HSD17B4: variants seen among roughly 807,000 people sequenced by gnomAD.
HSD17B4 encodes peroxisomal multifunctional enzyme type 2.
A neutral mutation model predicts 101.0 loss-of-function variants in HSD17B4; 70 were observed. The ratio of observed to expected loss-of-function variants is 0.69; its 90% CI spans 0.57 to 0.85. The LOEUF is 0.85. Ranked by LOEUF, HSD17B4 falls within the 40% of genes least tolerant of loss-of-function variation. HSD17B4 has a pLI of 0.00. For synonymous variants in HSD17B4, 347 were observed against 297.1 expected, an observed-to-expected ratio of 1.17 and a Z score of -1.73; for missense variants, 984 against 892.4, an observed-to-expected ratio of 1.10 and a Z score of -1.31.
intron 2 of HSD17B4, among the ~76,000 whole-genome samples, chr5:119,471,166 A>AT (rs576140615): frequency 6.6e-6 from 1 of 152,250 alleles, no homozygotes; most frequent in East Asian, 1.9e-4. Flanking sequence ...TAAAATCTTG[A>AT]TTTTTTTAAC....
rs746952155 is a variant in HSD17B4 at position 119,473,920 on chromosome 5, GA to G, written c.126del (p.Asp44ThrfsTer10). The G allele has an allele frequency of 1.3e-6, 2 of 1,592,514 alleles. No homozygotes were observed. Among genetic ancestry groups the G allele is most frequent in the South Asian group, 2.2e-5 (2 of 90,590 alleles). On this transcript the variant is annotated frameshift_variant, in exon 3 of 24. Transcript: ENST00000510025. LOFTEE classifies it high-confidence loss of function. ...TTTTGCATTACAGTGAATGATTTGG[GA>G]GGGGACTTCAAAGGAGTTGGTAAAG... ...RGALVVVNDL[G>X]GDFKGVGKGS... is the part of the protein sequence containing the mutation.
intron 15 of HSD17B4, among the ~76,000 whole-genome samples, chr5:119,508,309 C>G (rs1379318182): frequency 6.6e-6 from 1 of 151,504 alleles, no homozygotes; most frequent in Non-Finnish European, 1.5e-5. Flanking sequence ...TGAAATACAA[C>G]TTGGTAATGG....
At chr5:119,510,789 C>T (rs1024026215) in intron 16 of HSD17B4, among the ~76,000 whole-genome samples, 1 of 152,162 alleles carries the variant, frequency 6.6e-6, no homozygotes, top group Non-Finnish European at 1.5e-5. Context: ...GTACCCCAGG[C>T]GTTTGCAGCC....
intron 12 of HSD17B4, among the ~76,000 whole-genome samples, chr5:119,497,133 C>T (rs1366319185): frequency 6.6e-6 from 1 of 152,154 alleles, no homozygotes; most frequent in Non-Finnish European, 1.5e-5. Context: ...TGGTTGGAAA[C>T]AGAGCTGCTG....
chr5:119,519,985 G>T (rs1170796117), intron 17 of HSD17B4, among the ~76,000 whole-genome samples: 3 of 152,054 alleles, frequency 2.0e-5, no homozygotes, highest in African/African-American at 7.2e-5. Flanking sequence ...AGACTCCTTT[G>T]AACTTTTTCT....
chr5:119,505,832 G>C (rs1349187349), intron 14 of HSD17B4, among the ~76,000 whole-genome samples: 1 of 151,772 alleles, frequency 6.6e-6, no homozygotes, highest in Non-Finnish European at 1.5e-5. Flanking sequence ...AACAGTATTG[G>C]TTGTATGCTC....
At chr5:119,521,613 C>A (rs1753118085) in intron 17 of HSD17B4, among the ~76,000 whole-genome samples, 1 of 151,850 alleles carries the variant, frequency 6.6e-6, no homozygotes, top group East Asian at 1.9e-4. Context: ...TTTCTGCCAT[C>A]CCCTTATTTA....
intron 18 of HSD17B4, among the ~76,000 whole-genome samples, chr5:119,525,565 C>A (rs1192043147): frequency 6.6e-6 from 1 of 152,016 alleles, no homozygotes; most frequent in Non-Finnish European, 1.5e-5. Context: ...AGGACAAGGT[C>A]ATTGGAGAGA....
Position 119,462,661 on chromosome 5 carries a change from ATT to A in HSD17B4, c.112+6297_112+6298del, listed in dbSNP as rs370235424. On this transcript the variant is annotated intron_variant, in intron 2 of 23. Transcript: ENST00000510025. Reference sequence around the variant, plus strand: ...CTCTTTGTATATAATTGCAAAAAGTATTTTTAATGTTCTTTCTATATCTAAGC... The same window carrying A: ...CTCTTTGTATATAATTGCAAAAAGTATTTAATGTTCTTTCTATATCTAAGC... Among the ~76,000 whole-genome samples, 128 of 152,216 alleles carry A rather than the reference ATT, an allele frequency of 8.4e-4. 1 individual carries two copies. Among genetic ancestry groups the A allele is most frequent in the African/African-American group, 2.8e-3 (116 of 41,548 alleles).
chr5:119,516,125 T>C (rs1752594529), intron 17 of HSD17B4, among the ~76,000 whole-genome samples: 1 of 152,208 alleles, frequency 6.6e-6, no homozygotes, highest in African/African-American at 2.4e-5. Context: ...TTGGTACATA[T>C]GTATTTTTTT....
intron 17 of HSD17B4, 70 bp downstream of exon 17, chr5:119,515,116 A>G (rs1752500691): frequency 1.2e-6 from 1 of 836,704 alleles, no homozygotes; most frequent in Non-Finnish European, 2.1e-6. Flanking sequence ...TAGCTCTGAT[A>G]CCTTATAACA....
chr5:119,492,409 T>G (rs1750191965), intron 10 of HSD17B4: 1 of 399,740 alleles, frequency 2.5e-6, no homozygotes, highest in Admixed American at 3.8e-5. Context: ...CAGCATATAT[T>G]GATAATCATC....
chr5:119,506,242 C>T (rs753462058), intron 14 of HSD17B4, among the ~76,000 whole-genome samples: 2 of 152,172 alleles, frequency 1.3e-5, no homozygotes, highest in African/African-American at 2.4e-5. Flanking sequence ...GTTCAACTCC[C>T]ACTTATGAGT....
At position 119,493,523 on chromosome 5, in the gene HSD17B4, AT is replaced by A. The variant is rs199900183; in HGVS notation, c.740-293del. 1,656 of 340,488 alleles carry A rather than the reference AT, an allele frequency of 4.9e-3. 3 individuals are homozygous for A. Among genetic ancestry groups the A allele is most frequent in the Non-Finnish European group, 7.6e-3 (1,342 of 177,532 alleles). 21.1% of individuals were successfully genotyped at this position (340,488 alleles called of 1,614,324 possible). A position where few individuals can be genotyped will look rare whatever the true frequency, so the allele number is the denominator to read the frequency against. ...GTCATGAAGTCAGTCTTTTGATGTG[AT>A]TATTATATAATTAAACTTTTTCACA... On this transcript the variant is annotated intron_variant, in intron 10 of 23. Transcript: ENST00000510025.
intron 8 of HSD17B4, among the ~76,000 whole-genome samples, chr5:119,486,703 TTTAA>T (rs1378217522): frequency 3.3e-5 from 5 of 152,190 alleles, no homozygotes; most frequent in African/African-American, 9.6e-5. Context: ...TCGGTTGCTT[TTTAA>T]TTAATCTGCT....
chr5:119,511,608 A>G (rs912761442), intron 16 of HSD17B4, among the ~76,000 whole-genome samples: 5 of 152,186 alleles, frequency 3.3e-5, no homozygotes, highest in African/African-American at 1.2e-4. Flanking sequence ...CCAACGAGAG[A>G]CAGTCAAAGA....
intron 11 of HSD17B4, among the ~76,000 whole-genome samples, chr5:119,495,195 A>G (rs941691387): frequency 1.4e-4 from 21 of 152,164 alleles, no homozygotes; most frequent in African/African-American, 4.8e-4. Context: ...AATTTATTCT[A>G]TGAATAACAG....
At chr5:119,526,318 C>G (rs1348406911) in intron 19 of HSD17B4, among the ~76,000 whole-genome samples, 1 of 144,724 alleles carries the variant, frequency 6.9e-6, no homozygotes, top group Non-Finnish European at 1.5e-5. Flanking sequence ...GCCTTGAAAA[C>G]TCAAGATTTG....
rs372762766 is a variant in HSD17B4 at position 119,452,532 on chromosome 5, A to G, written c.-44A>G. On this transcript the variant is annotated 5_prime_UTR_variant, in exon 1 of 24. Transcript: ENST00000510025. The stretch of plus-strand genomic sequence containing the variant: ...TCCTCCTGTCCCGCAGTCGGCGTCC[A>G]GCGGCTCTGCTTGTTCGTGTGTGTG... 5.6e-6 allele frequency: 9 copies of G among 1,613,480 alleles called. No individual in the cohort carries two copies. The highest frequency in any genetic ancestry group is 2.2e-5 in the South Asian group (2 of 91,062).
Sources: gnomAD v4.1 joint callset for allele counts (sites outside exome capture counted in the v4.1 genomes callset) on GRCh38, gnomAD v4.1.1 for gene constraint, MANE v1.5 for transcripts, NCBI Gene and HGNC (gene_info 2026-07-23, HGNC 2026-07-21) for gene names.